The following PTBP3 variants were observed in gnomAD, a reference collection of about 807,000 sequenced individuals.
The protein encoded by PTBP3 is polypyrimidine tract binding protein 3.
Under a neutral mutation model 58.7 loss-of-function variants are expected in PTBP3, and 20 were observed. The observed-to-expected ratio is 0.34, with a 90% CI of 0.24 to 0.50. The LOEUF is 0.50. Among genes scored for constraint, PTBP3 ranks in the 20% least tolerant of loss-of-function variants. The probability of loss-of-function intolerance (pLI) is 0.98; values close to 1 mark genes in which losing one functional copy is unlikely to be tolerated. For missense variants in PTBP3, 509 were observed against 637.2 expected (o/e 0.80, Z 2.17); for synonymous variants, 185 against 219.8 (o/e 0.84, Z 1.40).
chr9:112,259,918 T>C (rs893556253), intron 5 of PTBP3, among the ~76,000 whole-genome samples: 1 of 152,178 alleles, frequency 6.6e-6, no homozygotes, highest in Non-Finnish European at 1.5e-5. Flanking sequence ...ATTTGATCAT[T>C]AGAGCTAATA....
chr9:112,312,117 A>G (rs766443980), intron 1 of PTBP3, among the ~76,000 whole-genome samples: 1 of 152,234 alleles, frequency 6.6e-6, no homozygotes. Flanking sequence ...GTTAAAGAAT[A>G]AACTCTAGTC....
At chr9:112,334,384 A>T (rs1830521080), upstream of PTBP3, among the ~76,000 whole-genome samples, 1 of 152,178 alleles carries the variant, frequency 6.6e-6, no homozygotes, top group African/African-American at 2.4e-5. Flanking sequence ...TCAGATGAAA[A>T]TACATATACA....
the PTBP3 span, among the ~76,000 whole-genome samples, chr9:112,377,815 CT>C: frequency 6.6e-6 from 1 of 152,190 alleles, no homozygotes; most frequent in Non-Finnish European, 1.5e-5. Context: ...CCTCCCAGGA[CT>C]TTACACCAGA....
chr9:112,230,676 G>C (rs977514064), intron 10 of PTBP3, among the ~76,000 whole-genome samples: 4 of 151,924 alleles, frequency 2.6e-5, no homozygotes, highest in Non-Finnish European at 5.9e-5. Context: ...ATGAAAACAA[G>C]GATTTTTAGT....
intron 2 of PTBP3, among the ~76,000 whole-genome samples, chr9:112,277,377 CT>C (rs1827652848): frequency 6.6e-6 from 1 of 152,140 alleles, no homozygotes; most frequent in Admixed American, 6.5e-5. Flanking sequence ...CCTCCTCTCC[CT>C]TATCAATCAC....
chr9:112,378,860 C>T, the PTBP3 span, among the ~76,000 whole-genome samples: 8 of 152,088 alleles, frequency 5.3e-5, no homozygotes, highest in Non-Finnish European at 8.8e-5. Context: ...AGGTGATATG[C>T]AGGAGGAAAT....
At position 112,231,423 on chromosome 9, in the gene PTBP3, G is replaced by GT; in HGVS notation, c.1021-11dup. The stretch of plus-strand genomic sequence containing the variant: ...CATGTGGTGTGATAAGCTGTAAAGG[G>GT]TAACACAAAGTTAAGTGTCTGACAA... On this transcript the variant is annotated splice_polypyrimidine_tract_variant and intron_variant, in intron 9 of 13. Transcript: ENST00000374257. The GT allele has an allele frequency of 6.3e-7, 1 of 1,576,146 alleles. No individual in the cohort carries two copies. Among genetic ancestry groups the GT allele is most frequent in the Non-Finnish European group, 8.6e-7 (1 of 1,159,390 alleles).
chr9:112,223,740 T>A lies in PTBP3; in HGVS notation c.*111A>T. ...TTTAAAATATACTTGAATATCAAAC[T>A]CAGAGTTATTTTTGTGAAAGAGGCA... On this transcript the variant is annotated 3_prime_UTR_variant, in exon 14 of 14. Coordinates refer to ENST00000374257, the MANE Select transcript of PTBP3 (RefSeq NM_001163788.4). 1 of 1,282,688 alleles carries A rather than the reference T, an allele frequency of 7.8e-7. No homozygotes were observed. Among genetic ancestry groups the A allele is most frequent in the South Asian group, 1.8e-5 (1 of 56,752 alleles). 79.5% of individuals were successfully genotyped at this position (1,282,688 alleles called of 1,614,324 possible). A position where few individuals can be genotyped will look rare whatever the true frequency, so the allele number is the denominator to read the frequency against.
Position 112,241,293 on chromosome 9 carries a change from G to T in PTBP3, c.803-6396C>A, listed in dbSNP as rs189947319. Among the ~76,000 whole-genome samples the T allele has an allele frequency of 2.8e-3, 430 of 152,150 alleles. 1 individual carries two copies. The highest frequency in any genetic ancestry group is 5.3e-3 in the Non-Finnish European group (363 of 68,002). On this transcript the variant is annotated intron_variant, in intron 7 of 13. Transcript: ENST00000374257. Reference sequence around the variant, plus strand: ...TAATTTTTGTATTTTTAGTACAGATGGGGTTTCATCATGTTGGCCAGGCTG... The same window carrying T: ...TAATTTTTGTATTTTTAGTACAGATTGGGTTTCATCATGTTGGCCAGGCTG...
At chr9:112,375,479 G>A in the PTBP3 span, among the ~76,000 whole-genome samples, 1 of 152,168 alleles carries the variant, frequency 6.6e-6, no homozygotes, top group African/African-American at 2.4e-5. Flanking sequence ...ACTTTCAGAT[G>A]ATGCCTGCGT....
At position 112,300,177 on chromosome 9, in the gene PTBP3, G is replaced by A. The variant is rs541195000; in HGVS notation, c.-51-2261C>T. On this transcript the variant is annotated intron_variant, in intron 1 of 13. Coordinates refer to ENST00000374257, the MANE Select transcript of PTBP3 (RefSeq NM_001163788.4). The stretch of plus-strand genomic sequence containing the variant: ...TGAGAGTGTAAATTGGTACCACTTG[G>A]AAAACTGTCTGATCCAATCTATTAA... Among the ~76,000 whole-genome samples the A allele has an allele frequency of 5.9e-5, 9 of 152,220 alleles. No homozygotes were observed. In the South Asian group the frequency reaches 1.9e-3, roughly 32 times the overall value.
chr9:112,300,456 T>G (rs954291576), intron 1 of PTBP3, among the ~76,000 whole-genome samples: 6 of 152,172 alleles, frequency 3.9e-5, no homozygotes, highest in Non-Finnish European at 5.9e-5. Flanking sequence ...CTCACAAACC[T>G]AAAACGTCAG....
the PTBP3 span, among the ~76,000 whole-genome samples, chr9:112,341,614 T>C: frequency 6.6e-5 from 10 of 152,214 alleles, no homozygotes; most frequent in African/African-American, 1.2e-4. Flanking sequence ...ATCTCAGCTT[T>C]TCTGTGCGTT....
At chr9:112,259,841 G>A (rs576389164) in intron 5 of PTBP3, among the ~76,000 whole-genome samples, 1 of 152,268 alleles carries the variant, frequency 6.6e-6, no homozygotes, top group South Asian at 2.1e-4. Flanking sequence ...CATTATTTAT[G>A]AAATTAGTGT....
chr9:112,258,941 C>T (rs946108836), intron 5 of PTBP3, among the ~76,000 whole-genome samples: 1 of 152,142 alleles, frequency 6.6e-6, no homozygotes. Context: ...CCACTTAACC[C>T]TATACAGCTT....
At chr9:112,347,028 T>C in the PTBP3 span, among the ~76,000 whole-genome samples, 1 of 152,200 alleles carries the variant, frequency 6.6e-6, no homozygotes, top group Non-Finnish European at 1.5e-5. Context: ...TAATCCTAGA[T>C]GTATATAACC....
At chr9:112,261,027 A>T (rs754555750) in intron 5 of PTBP3, among the ~76,000 whole-genome samples, 6 of 152,252 alleles carry the variant, frequency 3.9e-5, no homozygotes, top group Non-Finnish European at 5.9e-5. Context: ...GCATAAGAAC[A>T]TCTTTTATAA....
chr9:112,333,386 C>T, intron 1 of PTBP3, 84 bp downstream of exon 1: 1 of 1,489,832 alleles, frequency 6.7e-7, no homozygotes, highest in East Asian at 2.7e-5. Flanking sequence ...GCACTGCTCC[C>T]CAGCCCTTAC....
the PTBP3 span, among the ~76,000 whole-genome samples, chr9:112,348,397 AAG>A: frequency 6.6e-6 from 1 of 152,236 alleles, no homozygotes; most frequent in Non-Finnish European, 1.5e-5. Flanking sequence ...CATGTGCACT[AAG>A]AGACAAAATG....
Sources: gnomAD v4.1 joint callset for allele counts (sites outside exome capture counted in the v4.1 genomes callset) on GRCh38, gnomAD v4.1.1 for gene constraint, MANE v1.5 for transcripts, NCBI Gene and HGNC (gene_info 2026-07-23, HGNC 2026-07-21) for gene names.